Variants in BBS9 observed in about 807,000 individuals in gnomAD.
The protein encoded by BBS9 is protein PTHB1.
BBS9 carries 89 observed loss-of-function variants against 117.7 expected under a neutral mutation model. The ratio of observed to expected loss-of-function variants is 0.76; its 90% confidence interval spans 0.64 to 0.90. The LOEUF is 0.90. Ranked by LOEUF, BBS9 falls within the 40% of genes least tolerant of loss-of-function variation. BBS9 has a pLI of 0.00. For synonymous variants in BBS9, 379 were observed against 370.9 expected (o/e 1.02, Z -0.25); for missense variants, 982 against 1,042.2 (o/e 0.94, Z 0.80).
At chr7:33,397,223 G>A (rs1034377864) in intron 19 of BBS9, among the ~76,000 whole-genome samples, 22 of 152,068 alleles carry the variant, frequency 1.4e-4, no homozygotes, top group African/African-American at 4.8e-4. Flanking sequence ...GAAAAAGCTC[G>A]GCATCACTGA....
At chr7:33,284,153 G>A (rs760324088) in intron 9 of BBS9, among the ~76,000 whole-genome samples, 12 of 152,090 alleles carry the variant, frequency 7.9e-5, no homozygotes, top group South Asian at 4.1e-4. Flanking sequence ...TCTCTCTTCC[G>A]CTTGAAGTCT....
chr7:33,380,614 C>A (rs576299385), intron 17 of BBS9: 1 of 152,248 alleles, frequency 6.6e-6, no homozygotes, highest in Non-Finnish European at 1.5e-5. Context: ...GTGAGGGTAA[C>A]TGTGGTCAAT....
chr7:33,631,807 G>A (rs184212379), intron 21 of BBS9, among the ~76,000 whole-genome samples: 12 of 152,292 alleles, frequency 7.9e-5, no homozygotes, highest in Admixed American at 5.2e-4. Flanking sequence ...CCACACTGTC[G>A]GGGCCAGGCC....
intron 1 of BBS9, among the ~76,000 whole-genome samples, chr7:33,137,438 C>G (rs1429357715): frequency 6.6e-6 from 1 of 152,184 alleles, no homozygotes; most frequent in African/African-American, 2.4e-5. Context: ...GGGGCTCCTG[C>G]CTGTTCCCAG....
chr7:33,524,783 T>C lies in BBS9; in HGVS notation c.2299-9171T>C, dbSNP rs1351244735. 3.9e-5 allele frequency among the ~76,000 whole-genome samples: 6 copies of C among 152,344 alleles called. No individual in the cohort carries two copies. The East Asian group carries it at 1.2e-3, about 29-fold the overall frequency. Reference sequence around the variant, plus strand: ...CTCTGATTTTAGTTATTTCTTGCCTTCTTCTAGCTTTTGAATGTGTTTGCT... The same window carrying C: ...CTCTGATTTTAGTTATTTCTTGCCTCCTTCTAGCTTTTGAATGTGTTTGCT... On this transcript the variant is annotated intron_variant, in intron 20 of 22. Coordinates refer to ENST00000242067, the MANE Select transcript of BBS9 (RefSeq NM_198428.3).
At chr7:33,201,574 A>G (rs894847103) in intron 5 of BBS9, among the ~76,000 whole-genome samples, 1 of 152,056 alleles carries the variant, frequency 6.6e-6, no homozygotes, top group Non-Finnish European at 1.5e-5. Flanking sequence ...TAAGCATTCA[A>G]AGTTGACCTC....
intron 12 of BBS9, among the ~76,000 whole-genome samples, chr7:33,346,700 A>C (rs950750754): frequency 9.8e-5 from 15 of 152,288 alleles, no homozygotes; most frequent in Middle Eastern, 3.4e-3. Flanking sequence ...TGTGCATGAG[A>C]GCTATCATGA....
chr7:33,374,828 C>T (rs1823529042), intron 17 of BBS9, among the ~76,000 whole-genome samples: 2 of 143,156 alleles, frequency 1.4e-5, no homozygotes, highest in South Asian at 2.1e-4. Context: ...TTGAACCTGC[C>T]AGACGGAGGT....
chr7:33,527,290 C>T (rs1849716217), intron 20 of BBS9, among the ~76,000 whole-genome samples: 1 of 152,194 alleles, frequency 6.6e-6, no homozygotes, highest in Admixed American at 6.5e-5. Flanking sequence ...TTCGAGCTTC[C>T]TGGCTGCTTT....
At chr7:33,418,753 G>C (rs538008665) in intron 19 of BBS9, among the ~76,000 whole-genome samples, 1 of 152,150 alleles carries the variant, frequency 6.6e-6, no homozygotes, top group Non-Finnish European at 1.5e-5. Context: ...CCAGTCTAGC[G>C]TAGTGTTGAG....
At chr7:33,378,149 G>C (rs1563087308) in intron 17 of BBS9, among the ~76,000 whole-genome samples, 2 of 152,070 alleles carry the variant, frequency 1.3e-5, no homozygotes, top group Admixed American at 1.3e-4. Context: ...CTCAAGAAAG[G>C]CCACCCATTT....
chr7:33,321,913 G>T (rs1395401746), intron 9 of BBS9, among the ~76,000 whole-genome samples: 4 of 150,302 alleles, frequency 2.7e-5, no homozygotes, highest in Admixed American at 6.6e-5. Flanking sequence ...TTTTTTGAGG[G>T]TTTTTTTTTA....
intron 2 of BBS9, among the ~76,000 whole-genome samples, chr7:33,150,680 ACAC>A (rs1793165351): frequency 6.6e-6 from 1 of 152,190 alleles, no homozygotes; most frequent in Admixed American, 6.5e-5. Context: ...GCAGCTCTCC[ACAC>A]CACAACCCCC....
At chr7:33,387,149 T>G (rs557892439) in intron 18 of BBS9, among the ~76,000 whole-genome samples, 1 of 152,312 alleles carries the variant, frequency 6.6e-6, no homozygotes, top group Middle Eastern at 3.4e-3. Context: ...TAATAATGTC[T>G]TACTATGATA....
chr7:33,213,760 G>C (rs1788510850), intron 5 of BBS9, among the ~76,000 whole-genome samples: 4 of 152,114 alleles, frequency 2.6e-5, no homozygotes, highest in African/African-American at 9.7e-5. Flanking sequence ...TCCAGGGTGT[G>C]TCTAGAAATG....
At chr7:33,231,841 G>C (rs1315653060) in intron 5 of BBS9, among the ~76,000 whole-genome samples, 1 of 151,868 alleles carries the variant, frequency 6.6e-6, no homozygotes, top group Non-Finnish European at 1.5e-5. Context: ...TGACATTTTG[G>C]TCTAGGTAAT....
intron 9 of BBS9, among the ~76,000 whole-genome samples, chr7:33,335,833 A>G (rs969818902): frequency 2.0e-5 from 3 of 152,124 alleles, no homozygotes; most frequent in African/African-American, 7.2e-5. Context: ...TGAATAGGAG[A>G]GCGTGTGAAG....
intron 5 of BBS9, among the ~76,000 whole-genome samples, chr7:33,187,878 C>T (rs995138774): frequency 6.6e-6 from 1 of 151,942 alleles, no homozygotes; most frequent in African/African-American, 2.4e-5. Context: ...GCCGAGATTG[C>T]ATCATTGCAC....
At chr7:33,291,510 T>C (rs1804039804) in intron 9 of BBS9, among the ~76,000 whole-genome samples, 1 of 152,210 alleles carries the variant, frequency 6.6e-6, no homozygotes, top group Non-Finnish European at 1.5e-5. Flanking sequence ...TTGAATAATT[T>C]TTTCAAGATT....
Sources: allele counts gnomAD v4.1 joint callset (sites outside exome capture counted in the v4.1 genomes callset), GRCh38; gene constraint gnomAD v4.1.1; transcripts MANE v1.5; gene names NCBI Gene and HGNC (gene_info 2026-07-23, HGNC 2026-07-21).